SSBP2: variants seen among roughly 807,000 people sequenced by gnomAD.
The protein encoded by SSBP2 is single stranded DNA binding protein 2.
SSBP2 carries 17 observed loss-of-function variants against 61.8 expected under a neutral mutation model. The ratio of observed to expected loss-of-function variants is 0.28; its 90% CI spans 0.19 to 0.41. The LOEUF is 0.41. Ranked by LOEUF, SSBP2 falls within the 10% of genes least tolerant of loss-of-function variation. The pLI, the probability that SSBP2 is intolerant of heterozygous loss-of-function variation, is 1.00. For synonymous variants in SSBP2, 139 were observed against 141.3 expected (o/e 0.98, Z 0.12); for missense variants, 310 against 458.7 (o/e 0.68, Z 2.96).
intron 1 of SSBP2, among the ~76,000 whole-genome samples, chr5:81,726,823 G>A (rs779415079): frequency 2.0e-5 from 3 of 151,950 alleles, no homozygotes; most frequent in Non-Finnish European, 2.9e-5. Context: ...CATCCTACAC[G>A]GTCCAGTATG....
intron 4 of SSBP2, among the ~76,000 whole-genome samples, chr5:81,543,603 C>T (rs1294164969): frequency 6.6e-6 from 1 of 152,090 alleles, no homozygotes; most frequent in Non-Finnish European, 1.5e-5. Flanking sequence ...ACCTCAGCAT[C>T]ATGCAATACA....
chr5:81,511,650 T>C (rs1023596132), intron 5 of SSBP2, among the ~76,000 whole-genome samples: 4 of 152,236 alleles, frequency 2.6e-5, no homozygotes, highest in African/African-American at 7.2e-5. Context: ...AATCTACTCT[T>C]ATCTCCAACT....
At chr5:81,482,954 G>C (rs564484715) in intron 6 of SSBP2, among the ~76,000 whole-genome samples, 38 of 152,134 alleles carry the variant, frequency 2.5e-4, no homozygotes, top group Admixed American at 3.9e-4. Flanking sequence ...TGAACACTTA[G>C]AGGCCATTTT....
At chr5:81,598,518 G>T (rs1487263062) in intron 4 of SSBP2, among the ~76,000 whole-genome samples, 1 of 152,090 alleles carries the variant, frequency 6.6e-6, no homozygotes, top group Non-Finnish European at 1.5e-5. Flanking sequence ...ATTACTGTTT[G>T]GGGATAATTC....
At chr5:81,613,328 T>TA (rs1745642035) in intron 4 of SSBP2, among the ~76,000 whole-genome samples, 1 of 152,222 alleles carries the variant, frequency 6.6e-6, no homozygotes, top group African/African-American at 2.4e-5. Context: ...GTTCCTCCTT[T>TA]AAAATCTACT....
intron 1 of SSBP2, among the ~76,000 whole-genome samples, chr5:81,749,667 A>T (rs1330737210): frequency 1.5e-5 from 1 of 65,662 alleles, no homozygotes; most frequent in African/African-American, 3.3e-5. Flanking sequence ...TGCACAGTTT[A>T]AAAAAAAAAG....
intron 1 of SSBP2, among the ~76,000 whole-genome samples, chr5:81,690,470 A>G (rs373321445): frequency 8.5e-4 from 129 of 152,284 alleles, no homozygotes; most frequent in African/African-American, 3.1e-3. Flanking sequence ...CAGACAAAAC[A>G]GATTTCAAGA....
intron 1 of SSBP2, among the ~76,000 whole-genome samples, chr5:81,679,054 G>A (rs1467583710): frequency 6.6e-6 from 1 of 152,152 alleles, no homozygotes; most frequent in East Asian, 1.9e-4. Context: ...CTGTCGCCCA[G>A]GCTGAAGTGC....
At chr5:81,475,024 G>A (rs1765495234) in intron 6 of SSBP2, among the ~76,000 whole-genome samples, 1 of 152,100 alleles carries the variant, frequency 6.6e-6, no homozygotes, top group Non-Finnish European at 1.5e-5. Flanking sequence ...GTTTCCCTAA[G>A]AAATTATTTA....
intron 1 of SSBP2, among the ~76,000 whole-genome samples, chr5:81,661,204 A>T (rs540559705): frequency 6.6e-6 from 1 of 152,252 alleles, no homozygotes; most frequent in Admixed American, 6.5e-5. Flanking sequence ...CTTCTTGTTA[A>T]AGGTTGAATA....
At chr5:81,597,701 C>T (rs1743915343) in intron 4 of SSBP2, among the ~76,000 whole-genome samples, 1 of 151,956 alleles carries the variant, frequency 6.6e-6, no homozygotes, top group Non-Finnish European at 1.5e-5. Flanking sequence ...AGTTCATGTC[C>T]TTTGTAGGGA....
At chr5:81,641,982 T>G (rs565660997) in intron 2 of SSBP2, among the ~76,000 whole-genome samples, 10 of 152,182 alleles carry the variant, frequency 6.6e-5, no homozygotes, top group Non-Finnish European at 1.2e-4. Context: ...TGTGCATTTT[T>G]AAAAATCACA....
chr5:81,736,799 A>G (rs1756653123), intron 1 of SSBP2, among the ~76,000 whole-genome samples: 1 of 152,220 alleles, frequency 6.6e-6, no homozygotes, highest in Admixed American at 6.5e-5. Flanking sequence ...AAGGAAATTT[A>G]GAAATACAAT....
chr5:81,652,826 T>C (rs1336858358), intron 1 of SSBP2, among the ~76,000 whole-genome samples: 5 of 152,142 alleles, frequency 3.3e-5, no homozygotes, highest in East Asian at 1.9e-4. Flanking sequence ...TAGTGGTGAT[T>C]TGTGAGATTT....
At chr5:81,616,429 C>G (rs1321998518) in intron 3 of SSBP2, 1 of 151,308 alleles carries the variant, frequency 6.6e-6, no homozygotes, top group Non-Finnish European at 1.4e-5. Context: ...GACTATATCC[C>G]ACACCTGGCT....
At chr5:81,493,303 T>TAGA (rs61289747) in intron 5 of SSBP2, among the ~76,000 whole-genome samples, 9 of 149,496 alleles carry the variant, frequency 6.0e-5, no homozygotes, top group Non-Finnish European at 1.2e-4. Context: ...GATAGATAGA[T>TAGA]TAACAGGGTC....
chr5:81,551,703 A>G (rs922387455), intron 4 of SSBP2, among the ~76,000 whole-genome samples: 5 of 152,332 alleles, frequency 3.3e-5, no homozygotes, highest in African/African-American at 1.2e-4. Context: ...GTCACGTGAC[A>G]TTTAGTAATT....
intron 1 of SSBP2, among the ~76,000 whole-genome samples, chr5:81,688,849 GA>G (rs1753007815): frequency 6.6e-6 from 1 of 152,052 alleles, no homozygotes; most frequent in African/African-American, 2.4e-5. Context: ...GGCCATCCAG[GA>G]AAACACAACC....
At chr5:81,605,097 T>C (rs1322273482) in intron 4 of SSBP2, among the ~76,000 whole-genome samples, 1 of 152,116 alleles carries the variant, frequency 6.6e-6, no homozygotes, top group Non-Finnish European at 1.5e-5. Flanking sequence ...ACTACAAAAA[T>C]TAAAACCCTA....
Sources: allele counts gnomAD v4.1 joint callset (sites outside exome capture counted in the v4.1 genomes callset), GRCh38; gene constraint gnomAD v4.1.1; transcripts MANE v1.5; gene names NCBI Gene and HGNC (gene_info 2026-07-23, HGNC 2026-07-21).